Variants in PTCHD4 observed in about 807,000 individuals in gnomAD.
PTCHD4 encodes the protein patched domain-containing protein 4.
In PTCHD4, 33 loss-of-function variants were observed where a neutral mutation model predicts 58.1. That is an observed-to-expected ratio of 0.57 (90% CI 0.43 to 0.76). The LOEUF is 0.76. Among genes scored for constraint, PTCHD4 ranks in the 30% least tolerant of loss-of-function variants. PTCHD4 has a pLI of 0.00. For missense variants in PTCHD4, 1,058 were observed against 1,027.1 expected, an observed-to-expected ratio of 1.03 and a Z score of -0.41; for synonymous variants, 478 against 409.6, an observed-to-expected ratio of 1.17 and a Z score of -2.02.
chr6:48,084,825 C>A (rs951852521), intron 1 of PTCHD4, among the ~76,000 whole-genome samples: 2 of 150,742 alleles, frequency 1.3e-5, no homozygotes, highest in Non-Finnish European at 3.0e-5. Context: ...CTCACTGCAA[C>A]CTCCACCTCC....
intron 1 of PTCHD4, among the ~76,000 whole-genome samples, chr6:48,102,918 C>T (rs148457762): frequency 2.0e-5 from 3 of 152,194 alleles, no homozygotes; most frequent in Admixed American, 1.3e-4. Context: ...GGGTGCCCAC[C>T]ATTGCTCAGG....
intron 3 of PTCHD4, among the ~76,000 whole-genome samples, chr6:48,012,416 T>A (rs1259121756): frequency 1.3e-5 from 2 of 152,218 alleles, no homozygotes; most frequent in South Asian, 4.1e-4. Flanking sequence ...TTTTTGCACA[T>A]TGATTTTGTA....
intron 4 of PTCHD4, among the ~76,000 whole-genome samples, chr6:47,924,642 C>G (rs1021221566): frequency 6.6e-6 from 1 of 152,166 alleles, no homozygotes; most frequent in Admixed American, 6.6e-5. Flanking sequence ...AACAGGCATT[C>G]TGTAACTAGT....
intron 4 of PTCHD4, among the ~76,000 whole-genome samples, chr6:47,912,875 C>G (rs1409281374): frequency 6.6e-6 from 1 of 152,118 alleles, no homozygotes; most frequent in African/African-American, 2.4e-5. Flanking sequence ...TTTCTCCCTC[C>G]TCTTCCTCCG....
At chr6:48,039,890 A>G (rs1763783457) in intron 3 of PTCHD4, among the ~76,000 whole-genome samples, 1 of 152,072 alleles carries the variant, frequency 6.6e-6, no homozygotes, top group South Asian at 2.1e-4. Context: ...TGAAAATTGG[A>G]TGAGTATAGT....
At chr6:48,036,929 G>A (rs1763658817) in intron 3 of PTCHD4, among the ~76,000 whole-genome samples, 1 of 152,068 alleles carries the variant, frequency 6.6e-6, no homozygotes, top group African/African-American at 2.4e-5. Context: ...TTTGTGAGTG[G>A]AAGACATGAA....
chr6:48,086,888 T>C (rs2113898561), intron 1 of PTCHD4, among the ~76,000 whole-genome samples: 1 of 152,340 alleles, frequency 6.6e-6, no homozygotes, highest in Admixed American at 6.5e-5. Context: ...TTTGTTATTC[T>C]TGTTCTTTTC....
intron 4 of PTCHD4, among the ~76,000 whole-genome samples, chr6:47,910,213 C>T (rs1012821938): frequency 6.6e-5 from 10 of 152,106 alleles, no homozygotes; most frequent in Admixed American, 5.9e-4. Flanking sequence ...CATTTATTCA[C>T]TTTATGATAT....
At chr6:48,098,120 A>C (rs1331366947) in intron 1 of PTCHD4, among the ~76,000 whole-genome samples, 1 of 152,154 alleles carries the variant, frequency 6.6e-6, no homozygotes, top group East Asian at 1.9e-4. Context: ...CATCAGGAAA[A>C]GCCCAGGAGC....
At chr6:47,961,064 A>C (rs1297595948) in intron 4 of PTCHD4, among the ~76,000 whole-genome samples, 1 of 151,680 alleles carries the variant, frequency 6.6e-6, no homozygotes, top group East Asian at 1.9e-4. Flanking sequence ...TACAGAGAGC[A>C]CTTACCGCAA....
chr6:47,878,858 C>A lies in PTCHD4; in HGVS notation c.1977G>T (p.Leu659=). 1 of 1,613,648 alleles carries A rather than the reference C, an allele frequency of 6.2e-7. No homozygotes were observed. The highest frequency in any genetic ancestry group is 1.1e-5 in the South Asian group (1 of 91,074). The change falls in exon 5 of 5, where the codon CTG becomes CTT. Residue 659 remains leucine, a synonymous_variant. Transcript: ENST00000339488. ...CCAGGAGAACACCAAAGCCTGCAAT[C>A]AGAACAGGCACTGTGACAGACAAGC... ...HYSLSVTVPV[L]IAGFGVLLVL...
In PTCHD4 at chr6:47,888,763, C is replaced by G. The variant is rs1325556872; in HGVS notation, c.899-8827G>C. ...TGCTGGTGCACTGCACCCACTAACT[C>G]GTCATCTAGCATTAGGTATATCTCC... On this transcript the variant is annotated intron_variant, in intron 4 of 4. Coordinates refer to ENST00000339488, the MANE Select transcript of PTCHD4 (RefSeq NM_001384253.1). Among the ~76,000 whole-genome samples the G allele has an allele frequency of 8.3e-5, 12 of 145,098 alleles. No homozygotes were observed. In the South Asian group the frequency reaches 2.8e-3, roughly 33 times the overall value.
chr6:47,931,016 C>G (rs1309971631), intron 4 of PTCHD4, among the ~76,000 whole-genome samples: 1 of 152,180 alleles, frequency 6.6e-6, no homozygotes, highest in Non-Finnish European at 1.5e-5. Context: ...AACTCCTGAC[C>G]TCAGGTGATC....
At chr6:47,919,114 A>G (rs1047414104) in intron 4 of PTCHD4, among the ~76,000 whole-genome samples, 1 of 152,112 alleles carries the variant, frequency 6.6e-6, no homozygotes, top group Admixed American at 6.6e-5. Context: ...TATTTACTTG[A>G]GAGAGAAATA....
At chr6:48,101,550 C>T (rs1335299889) in intron 1 of PTCHD4, among the ~76,000 whole-genome samples, 5 of 152,142 alleles carry the variant, frequency 3.3e-5, no homozygotes, top group African/African-American at 1.2e-4. Context: ...AGTTTTGCTT[C>T]TCATTGTCTT....
At chr6:47,987,138 T>A (rs1218497908) in intron 4 of PTCHD4, among the ~76,000 whole-genome samples, 1 of 151,126 alleles carries the variant, frequency 6.6e-6, no homozygotes, top group East Asian at 1.9e-4. Context: ...GGAAATTACA[T>A]GAAGAGAAAA....
chr6:47,972,686 TC>T (rs1215679389), intron 4 of PTCHD4, among the ~76,000 whole-genome samples: 1 of 152,034 alleles, frequency 6.6e-6, no homozygotes, highest in Non-Finnish European at 1.5e-5. Flanking sequence ...ATCTTATATA[TC>T]TAAACCATTT....
chr6:47,932,632 C>T (rs953837963), intron 4 of PTCHD4, among the ~76,000 whole-genome samples: 2 of 152,176 alleles, frequency 1.3e-5, no homozygotes, highest in African/African-American at 4.8e-5. Flanking sequence ...GCCTGCAATA[C>T]AGTAGGTGGC....
At chr6:47,965,789 C>T (rs1286162906) in intron 4 of PTCHD4, among the ~76,000 whole-genome samples, 1 of 152,034 alleles carries the variant, frequency 6.6e-6, no homozygotes, top group Non-Finnish European at 1.5e-5. Flanking sequence ...TTGGTGGGCG[C>T]CAGTAGTCCC....
Sources: gnomAD v4.1 joint callset for allele counts (sites outside exome capture counted in the v4.1 genomes callset) on GRCh38, gnomAD v4.1.1 for gene constraint, MANE v1.5 for transcripts, NCBI Gene and HGNC (gene_info 2026-07-23, HGNC 2026-07-21) for gene names.